The following USP33 variants were observed in gnomAD, a reference collection of about 807,000 sequenced individuals.
USP33 encodes the protein ubiquitin carboxyl-terminal hydrolase 33.
In USP33, 46 loss-of-function variants were observed where a neutral mutation model predicts 124.2. The observed-to-expected ratio is 0.37, with a 90% CI of 0.29 to 0.47. The LOEUF (loss-of-function observed/expected upper bound fraction) is 0.47. USP33 is among the 20% of genes least tolerant of loss of function. USP33 has a pLI of 0.99. For synonymous variants in USP33, 350 were observed against 352.3 expected (o/e 0.99, Z 0.07); for missense variants, 851 against 1,070.6 (o/e 0.79, Z 2.86).
intron 23 of USP33, 92 bp from the exon 24 acceptor site, chr1:77,697,566 G>A (rs923983680): frequency 2.3e-5 from 32 of 1,412,534 alleles, no homozygotes; most frequent in African/African-American, 1.3e-4. Context: ...GAATCTTCTC[G>A]GGATAATTGA....
intron 10 of USP33, among the ~76,000 whole-genome samples, chr1:77,726,225 T>C (rs142188777): frequency 1.2e-3 from 179 of 152,124 alleles, no homozygotes; most frequent in African/African-American, 4.1e-3. Flanking sequence ...GTTGGGATTA[T>C]AGGCATGAAC....
intron 21 of USP33, among the ~76,000 whole-genome samples, chr1:77,706,011 C>T (rs116239067): frequency 1.1e-4 from 16 of 152,182 alleles, no homozygotes; most frequent in Non-Finnish European, 1.8e-4. Flanking sequence ...TGCTGAGTAG[C>T]ATTTTATTAT....
intron 7 of USP33, among the ~76,000 whole-genome samples, chr1:77,734,034 TATAAA>T (rs1164303131): frequency 6.6e-6 from 1 of 151,672 alleles, no homozygotes; most frequent in Non-Finnish European, 1.5e-5. Context: ...TACAGAAAAA[TATAAA>T]ATATTTTCAT....
Position 77,729,909 on chromosome 1 carries a change from A to C in USP33, c.668T>G (p.Phe223Cys), listed in dbSNP as rs150146884. ...RPGSVVPTTL[F>C]QGIKTVNPTF... ...TGGATTTACAGTTTTAATTCCTTGA[A>C]ACAGAGTAGTAGGCACAACAGATCC... Residue 223 changes from phenylalanine to cysteine, a missense_variant, in exon 9 of 24, where the codon TTT becomes TGT. Coordinates refer to ENST00000370794, the MANE Select transcript of USP33 (RefSeq NM_201624.3). The C allele has an allele frequency of 1.2e-6, 2 of 1,613,766 alleles. No homozygotes were observed. The highest frequency in any genetic ancestry group is 1.7e-6 in the Non-Finnish European group (2 of 1,179,896).
intron 7 of USP33, among the ~76,000 whole-genome samples, 169 bp from the exon 8 acceptor site, chr1:77,730,900 T>C (rs184274978): frequency 3.7e-4 from 57 of 152,324 alleles, no homozygotes; most frequent in African/African-American, 1.3e-3. Context: ...TCCATTCAAA[T>C]CAGATTTGGC....
chr1:77,741,021 C>A lies in USP33; in HGVS notation c.136-82G>T. 4.0e-6 allele frequency: 4 copies of A among 1,005,532 alleles called. No individual in the cohort carries two copies. In the South Asian group the frequency reaches 6.9e-5, roughly 17 times the overall value. The allele number at this position is 1,005,532 out of a possible 1,614,324, so 62.3% of individuals were successfully genotyped here. On this transcript the variant is annotated intron_variant, in intron 3 of 23. Transcript: ENST00000370794. ...TATAACAGCATTACAATTACATTTA[C>A]AATTAAGTTTGGATTACCTGTTTTA...
At position 77,723,338 on chromosome 1, in the gene USP33, C is replaced by A; in HGVS notation, c.1382G>T (p.Cys461Phe). 6.2e-7 allele frequency: 1 copy of A among 1,606,354 alleles called. No individual in the cohort carries two copies. Among genetic ancestry groups the A allele is most frequent in the Non-Finnish European group, 8.5e-7 (1 of 1,174,210 alleles). The change falls in exon 12 of 24, where the codon TGT becomes TTT. Residue 461 changes from cysteine to phenylalanine, a missense_variant. By Grantham distance (205) the Cys-to-Phe change is radical. This residue lies in a region of USP33 where 281 missense variants were observed against 425.0 expected (regional missense o/e 0.66). Coordinates refer to ENST00000370794, the MANE Select transcript of USP33 (RefSeq NM_201624.3). ...TAATACCCTCATACTCACCCTGTCACAAGTCAGACACTGCACTGAACTAAT... is the reference window on the plus strand; with the variant it reads ...TAATACCCTCATACTCACCCTGTCAAAAGTCAGACACTGCACTGAACTAAT... ...TIISSVQCLTCDRVSVTLETF... is the reference protein window; with the variant it reads ...TIISSVQCLTFDRVSVTLETF...
At chr1:77,738,521 C>T (rs1316189584) in intron 5 of USP33, among the ~76,000 whole-genome samples, 3 of 151,940 alleles carry the variant, frequency 2.0e-5, no homozygotes, top group Admixed American at 2.0e-4. Flanking sequence ...CACTCTGTCA[C>T]CTAGGCTGGA....
At chr1:77,703,107 T>G (rs554260119) in intron 21 of USP33, among the ~76,000 whole-genome samples, 2 of 152,284 alleles carry the variant, frequency 1.3e-5, no homozygotes, top group South Asian at 4.1e-4. Flanking sequence ...ACCTCCATGA[T>G]CTCACCCCAT....
chr1:77,736,782 G>A (rs1271623693), intron 5 of USP33, among the ~76,000 whole-genome samples: 1 of 152,002 alleles, frequency 6.6e-6, no homozygotes, highest in Non-Finnish European at 1.5e-5. Flanking sequence ...GCTAATTTTT[G>A]TATTTTTAGT....
Position 77,730,629 on chromosome 1 carries a change from C to T in USP33, c.627G>A (p.Trp209Ter). ...ATTAAGTTACATACCTGCTTTTATG[C>T]CACAGCTCTGTCATTAGTTTGAGAT... ...KSYLKLMTEL[W>*]HKSRPGSVVP... is the part of the protein sequence containing the mutation. Residue 209 changes from tryptophan (W) to a stop codon, truncating the protein, a stop_gained, in exon 8 of 24, where the codon TGG (tryptophan) becomes TGA (stop). Coordinates refer to ENST00000370794, the MANE Select transcript of USP33 (RefSeq NM_201624.3). LOFTEE classifies it high-confidence loss of function. 1 of 1,579,470 alleles carries T rather than the reference C, an allele frequency of 6.3e-7. No individual in the cohort carries two copies. The highest frequency in any genetic ancestry group is 8.6e-7 in the Non-Finnish European group (1 of 1,161,188).
At chr1:77,715,081 CTTTTA>C (rs1165133805) in intron 18 of USP33, among the ~76,000 whole-genome samples, 4 of 151,968 alleles carry the variant, frequency 2.6e-5, no homozygotes, top group African/African-American at 4.8e-5. Context: ...CTAGCATCTT[CTTTTA>C]TAAGATGCTA....
chr1:77,720,164 T>TG (rs1491417797), intron 15 of USP33, among the ~76,000 whole-genome samples: 48 of 2,510 alleles, frequency 0.019, no homozygotes, highest in African/African-American at 0.029. Context: ...ATGTCTCAAA[T>TG]GAAAAAAAAA....
chr1:77,739,936 C>G (rs187093821), intron 4 of USP33, among the ~76,000 whole-genome samples: 7 of 152,244 alleles, frequency 4.6e-5, no homozygotes, highest in Non-Finnish European at 8.8e-5. Flanking sequence ...AATGGTGGTA[C>G]ACAGCAAATA....
chr1:77,728,052 A>G (rs1310920658), intron 10 of USP33, among the ~76,000 whole-genome samples: 1 of 152,234 alleles, frequency 6.6e-6, no homozygotes, highest in Non-Finnish European at 1.5e-5. Context: ...AGATTACTGC[A>G]TGACTACACA....
chr1:77,741,341 T>C (rs1398768408), intron 3 of USP33, 35 bp downstream of exon 3: 1 of 1,561,324 alleles, frequency 6.4e-7, no homozygotes, highest in Non-Finnish European at 8.6e-7. Flanking sequence ...TTATTATTAT[T>C]ATAGCAATCT....
chr1:77,701,291 C>A lies in USP33; in HGVS notation c.2509+78G>T. 3 of 996,614 alleles carry A rather than the reference C, an allele frequency of 3.0e-6. No individual in the cohort carries two copies. The South Asian group carries it at 4.4e-5, about 14-fold the overall frequency. 61.7% of individuals were successfully genotyped at this position (996,614 alleles called of 1,614,324 possible). A position where few individuals can be genotyped will look rare whatever the true frequency, so the allele number is the denominator to read the frequency against. ...GTTCAATAGTGTAATCCCAAGTGCA[C>A]ACAGATATTCAAGAAATACTTGTCA... On this transcript the variant is annotated intron_variant, in intron 22 of 23. Coordinates refer to ENST00000370794, the MANE Select transcript of USP33 (RefSeq NM_201624.3).
intron 20 of USP33, among the ~76,000 whole-genome samples, chr1:77,712,458 G>A (rs1207336905): frequency 6.6e-6 from 1 of 152,164 alleles, no homozygotes; most frequent in Non-Finnish European, 1.5e-5. Context: ...GGGAGGCAGA[G>A]GTTGCAGTGA....
chr1:77,747,854 T>C (rs556140495), intron 1 of USP33, among the ~76,000 whole-genome samples: 1 of 152,354 alleles, frequency 6.6e-6, no homozygotes, highest in South Asian at 2.1e-4. Flanking sequence ...CAGCACCACT[T>C]ATTAAATAAT....
Sources: gnomAD v4.1 joint callset for allele counts (sites outside exome capture counted in the v4.1 genomes callset) on GRCh38, gnomAD v4.1.1 for gene constraint, gnomAD v4.1.1 regional missense constraint, MANE v1.5 for transcripts, NCBI Gene and HGNC (gene_info 2026-07-23, HGNC 2026-07-21) for gene names.